RBFOX1: variants seen among roughly 807,000 people sequenced by gnomAD.
RBFOX1 encodes RNA binding protein fox-1 homolog 1.
RBFOX1 carries 8 observed loss-of-function variants against 57.7 expected under a neutral mutation model. That is an observed-to-expected ratio of 0.14 (90% CI 0.08 to 0.25). The LOEUF (loss-of-function observed/expected upper bound fraction) is 0.25, where lower values mean the gene tolerates loss of function less well. Ranked by LOEUF, RBFOX1 falls within the 10% of genes least tolerant of loss-of-function variation. The pLI is 1.00. For synonymous variants in RBFOX1, 326 were observed against 222.4 expected (o/e 1.47, Z -4.15); for missense variants, 611 against 548.5 (o/e 1.11, Z -1.14).
intron 4 of RBFOX1, among the ~76,000 whole-genome samples, chr16:7,460,977 A>G (rs2059480033): frequency 6.6e-6 from 1 of 152,146 alleles, no homozygotes; most frequent in South Asian, 2.1e-4. Flanking sequence ...TCTCCTTGAC[A>G]TTGTGGAGAA....
At chr16:7,206,469 G>C (rs558632621) in intron 4 of RBFOX1, among the ~76,000 whole-genome samples, 2 of 149,522 alleles carry the variant, frequency 1.3e-5, no homozygotes, top group African/African-American at 4.9e-5. Flanking sequence ...TATAATATGC[G>C]TGTGTGCATA....
intron 10 of RBFOX1, among the ~76,000 whole-genome samples, chr16:7,613,612 C>G (rs1407469183): frequency 6.6e-6 from 1 of 151,828 alleles, no homozygotes; most frequent in East Asian, 1.9e-4. Context: ...TGTATTTGAC[C>G]TCGGATTTAC....
At chr16:6,015,658 G>A (rs747371604), upstream of RBFOX1, among the ~76,000 whole-genome samples, 6 of 152,132 alleles carry the variant, frequency 3.9e-5, no homozygotes, top group Non-Finnish European at 8.8e-5. Flanking sequence ...TTTTGCTTCA[G>A]GCACTTTCAT....
rs535477221 is a variant in RBFOX1 at position 7,396,095 on chromosome 16, A to G, written c.28-122052A>G. Among the ~76,000 whole-genome samples, 4 of 152,126 alleles carry G rather than the reference A, an allele frequency of 2.6e-5. No individual in the cohort carries two copies. The South Asian group carries it at 8.3e-4, about 32-fold the overall frequency. ...TTCCCCAGGGTGCTCTCAGCTTGTA[A>G]GTGTCAGGGGAGGGGATTGAGGGCT... On this transcript the variant is annotated intron_variant, in intron 4 of 15. Coordinates refer to ENST00000550418, the MANE Select transcript of RBFOX1 (RefSeq NM_018723.4).
intron 2 of RBFOX1, among the ~76,000 whole-genome samples, chr16:6,461,090 C>G (rs980289484): frequency 2.4e-4 from 36 of 152,156 alleles, no homozygotes; most frequent in African/African-American, 8.2e-4. Flanking sequence ...ACAACACTCA[C>G]TAGAGCCTGT....
At chr16:6,657,040 T>C (rs1167207068) in intron 3 of RBFOX1, among the ~76,000 whole-genome samples, 27 of 54,938 alleles carry the variant, frequency 4.9e-4, no homozygotes, top group Admixed American at 1.1e-3. Flanking sequence ...GTCCTCCCCT[T>C]TCCTCTCCTC....
intron 4 of RBFOX1, among the ~76,000 whole-genome samples, chr16:7,501,804 T>G (rs34710165): frequency 0.59 from 89,288 of 152,078 alleles, 28,289 homozygotes; most frequent in Middle Eastern, 0.74. Context: ...TTTCTTAAAT[T>G]TATCTTCTCT....
intron 3 of RBFOX1, among the ~76,000 whole-genome samples, chr16:6,751,431 G>C (rs186953710): frequency 6.6e-6 from 1 of 152,108 alleles, no homozygotes; most frequent in Non-Finnish European, 1.5e-5. Flanking sequence ...CTGTATTCTT[G>C]GGGCATTTGT....
At chr16:7,478,128 A>G (rs1213173223) in intron 4 of RBFOX1, among the ~76,000 whole-genome samples, 1 of 152,254 alleles carries the variant, frequency 6.6e-6, no homozygotes, top group African/African-American at 2.4e-5. Context: ...ATGTTTTTAA[A>G]TAATCAGAAT....
intron 1 of RBFOX1, among the ~76,000 whole-genome samples, chr16:6,174,672 G>C (rs1215603410): frequency 6.6e-6 from 1 of 152,170 alleles, no homozygotes; most frequent in Non-Finnish European, 1.5e-5. Context: ...GAACTTCAGT[G>C]TTGTAGATCT....
intron 11 of RBFOX1, among the ~76,000 whole-genome samples, chr16:7,641,464 T>A (rs1027178351): frequency 6.6e-6 from 1 of 152,208 alleles, no homozygotes; most frequent in Non-Finnish European, 1.5e-5. Flanking sequence ...GAAAATGCAG[T>A]TTCAGAACCA....
At chr16:6,027,480 A>G (rs552479173) in intron 1 of RBFOX1, among the ~76,000 whole-genome samples, 2 of 152,270 alleles carry the variant, frequency 1.3e-5, no homozygotes, top group South Asian at 4.1e-4. Context: ...CAGCTCCATC[A>G]CTTTCTAAGT....
intron 3 of RBFOX1, among the ~76,000 whole-genome samples, chr16:6,956,865 A>C (rs1047642924): frequency 6.6e-6 from 1 of 152,008 alleles, no homozygotes; most frequent in African/African-American, 2.4e-5. Context: ...ATTCAAGGTG[A>C]CTTCTTTCCT....
At chr16:6,038,650 TTAG>T (rs1252667523) in intron 1 of RBFOX1, 1 of 147,582 alleles carries the variant, frequency 6.8e-6, no homozygotes, top group African/African-American at 2.5e-5. Context: ...AATGAAGCAC[TTAG>T]TAGGAGCTTT....
At chr16:5,258,379 A>T (rs1346591235) in intron 1 of RBFOX1, among the ~76,000 whole-genome samples, 1 of 151,086 alleles carries the variant, frequency 6.6e-6, no homozygotes, top group Non-Finnish European at 1.5e-5. Context: ...ATTCACCCCT[A>T]TGTAATTTAC....
chr16:5,378,665 A>T lies in RBFOX1; in HGVS notation c.220-88551A>T, dbSNP rs991507687. On this transcript the variant is annotated intron_variant, in intron 1 of 2. Transcript: ENST00000585867. Reference sequence around the variant, plus strand: ...GGGATGGTTGGTCACACTGCTGGAGAGGAAGAGTTTCTGGATCCTGTTCCT... The same window carrying T: ...GGGATGGTTGGTCACACTGCTGGAGTGGAAGAGTTTCTGGATCCTGTTCCT... Among the ~76,000 whole-genome samples, 9 of 151,498 alleles carry T rather than the reference A, an allele frequency of 5.9e-5. No homozygotes were observed. The East Asian group carries it at 1.7e-3, about 29-fold the overall frequency.
At chr16:5,949,507 C>T (rs571398790) in intron 4 of RBFOX1, among the ~76,000 whole-genome samples, 1 of 115,952 alleles carries the variant, frequency 8.6e-6, no homozygotes, top group Admixed American at 1.2e-4. Flanking sequence ...GCCTGGGTGG[C>T]AGTGCGAGAG....
intron 3 of RBFOX1, among the ~76,000 whole-genome samples, chr16:5,718,306 C>A (rs185654013): frequency 1.1e-3 from 168 of 152,278 alleles, no homozygotes; most frequent in African/African-American, 3.8e-3. Flanking sequence ...ACAACCAGAC[C>A]TGAGGTTTGA....
At chr16:7,416,830 G>T (rs995921881) in intron 4 of RBFOX1, among the ~76,000 whole-genome samples, 6 of 152,130 alleles carry the variant, frequency 3.9e-5, no homozygotes, top group Middle Eastern at 3.4e-3. Flanking sequence ...TAAATGCCAA[G>T]GTTTGGTCTA....
Sources: gnomAD v4.1 joint callset for allele counts (sites outside exome capture counted in the v4.1 genomes callset) on GRCh38, gnomAD v4.1.1 for gene constraint, MANE v1.5 for transcripts, NCBI Gene and HGNC (gene_info 2026-07-23, HGNC 2026-07-21) for gene names.